Variants in BASP1 observed in about 807,000 individuals in gnomAD.
BASP1 encodes the protein brain acid soluble protein 1.
A neutral mutation model predicts 2.2 loss-of-function variants in BASP1; 1 was observed. That is an observed-to-expected ratio of 0.46 (90% CI 0.16 to 2.17). The LOEUF (loss-of-function observed/expected upper bound fraction) is 2.17. Ranked by LOEUF, BASP1 falls within the 30% of genes most tolerant of loss-of-function variation. The pLI, the probability that BASP1 is intolerant of heterozygous loss-of-function variation, is 0.27. For synonymous variants in BASP1, 187 were observed against 154.2 expected (o/e 1.21, Z -1.58); for missense variants, 352 against 327.2 (o/e 1.08, Z -0.58).
chr5:17,271,998 G>A (rs1046353462), intron 1 of BASP1, among the ~76,000 whole-genome samples: 1 of 151,500 alleles, frequency 6.6e-6, no homozygotes, highest in Non-Finnish European at 1.5e-5. Context: ...CCTGGGAGGC[G>A]GAGGTTGCAG....
intron 1 of BASP1, among the ~76,000 whole-genome samples, chr5:17,263,658 C>T (rs1451840823): frequency 6.6e-6 from 1 of 152,170 alleles, no homozygotes; most frequent in Non-Finnish European, 1.5e-5. Context: ...AGATCCAACT[C>T]ATCTGGATCA....
At chr5:17,247,600 G>C (rs1022035805) in intron 1 of BASP1, among the ~76,000 whole-genome samples, 5 of 152,144 alleles carry the variant, frequency 3.3e-5, no homozygotes, top group African/African-American at 1.2e-4. Flanking sequence ...TTCTTCAAAA[G>C]GTGCCAGTGG....
At chr5:17,241,360 A>C (rs1739859619) in intron 1 of BASP1, among the ~76,000 whole-genome samples, 1 of 152,158 alleles carries the variant, frequency 6.6e-6, no homozygotes, top group Non-Finnish European at 1.5e-5. Context: ...TCAGCTTCCC[A>C]AAGTGTTGTG....
chr5:17,242,259 G>A (rs964063072), intron 1 of BASP1, among the ~76,000 whole-genome samples: 2 of 152,102 alleles, frequency 1.3e-5, no homozygotes, highest in Non-Finnish European at 2.9e-5. Context: ...AGAAGTTTTT[G>A]TATATATATA....
At chr5:17,257,848 T>C (rs906645100) in intron 1 of BASP1, among the ~76,000 whole-genome samples, 10 of 152,184 alleles carry the variant, frequency 6.6e-5, no homozygotes, top group African/African-American at 1.7e-4. Context: ...CCTTGAACAA[T>C]GGAAGCTTCA....
intron 1 of BASP1, among the ~76,000 whole-genome samples, 170 bp downstream of exon 1, chr5:17,217,980 C>A (rs983772141): frequency 1.1e-4 from 17 of 151,930 alleles, no homozygotes; most frequent in African/African-American, 3.9e-4. Flanking sequence ...GTGAGGGCTC[C>A]GTCGCACTTC....
intron 1 of BASP1, among the ~76,000 whole-genome samples, chr5:17,263,563 T>C (rs1027954940): frequency 6.6e-6 from 1 of 152,260 alleles, no homozygotes; most frequent in African/African-American, 2.4e-5. Flanking sequence ...AGTGCATCTG[T>C]AGGACTAGAC....
chr5:17,219,285 C>T (rs903577330), intron 1 of BASP1, among the ~76,000 whole-genome samples: 1 of 152,218 alleles, frequency 6.6e-6, no homozygotes, highest in Non-Finnish European at 1.5e-5. Context: ...ACCCACTCCC[C>T]TCCCGAGCCG....
At chr5:17,270,715 G>T (rs1189349121) in intron 1 of BASP1, among the ~76,000 whole-genome samples, 3 of 152,164 alleles carry the variant, frequency 2.0e-5, no homozygotes, top group Admixed American at 2.0e-4. Flanking sequence ...TACCAGCAAA[G>T]AATTATCTAA....
rs532886378 is a variant in BASP1 at position 17,248,702 on chromosome 5, C to T, written c.-9-26506C>T. ...TGTAGAATGTGAATGATTTCCAGCC[C>T]GTGTTTACCATGTCCTAAAACACGC... On this transcript the variant is annotated intron_variant, in intron 1 of 1. Coordinates refer to ENST00000322611, the MANE Select transcript of BASP1 (RefSeq NM_006317.5). Among the ~76,000 whole-genome samples the T allele has an allele frequency of 3.9e-5, 6 of 152,224 alleles. No homozygotes were observed. In the South Asian group the frequency reaches 6.2e-4, roughly 16 times the overall value.
chr5:17,236,042 T>G lies in BASP1; in HGVS notation c.-10+18232T>G, dbSNP rs1045367736. On this transcript the variant is annotated intron_variant, in intron 1 of 1. Coordinates refer to ENST00000322611, the MANE Select transcript of BASP1 (RefSeq NM_006317.5). This position sits in a 1 kb window ranked among gnomAD's most constrained non-coding sequence, Gnocchi z 4.0. ...TAAAACATGAGACTTTTTTTTTTCTTTTTTAGCTCATTAGCTATTGTTAGC... is the reference window on the plus strand; with the variant it reads ...TAAAACATGAGACTTTTTTTTTTCTGTTTTAGCTCATTAGCTATTGTTAGC... Among the ~76,000 whole-genome samples, 2 of 152,170 alleles carry G rather than the reference T, an allele frequency of 1.3e-5. No homozygotes were observed. Among genetic ancestry groups the G allele is most frequent in the African/African-American group, 4.8e-5 (2 of 41,442 alleles).
At chr5:17,264,173 TA>T (rs1245344172) in intron 1 of BASP1, among the ~76,000 whole-genome samples, 3 of 152,252 alleles carry the variant, frequency 2.0e-5, no homozygotes, top group Non-Finnish European at 4.4e-5. Context: ...TTGTTGAAAA[TA>T]GAAATTGCTG....
intron 1 of BASP1, among the ~76,000 whole-genome samples, chr5:17,250,593 T>G (rs1740082595): frequency 6.6e-6 from 1 of 152,110 alleles, no homozygotes; most frequent in African/African-American, 2.4e-5. Flanking sequence ...TTGAAGTTTA[T>G]TTTTATTTTT....
intron 1 of BASP1, among the ~76,000 whole-genome samples, chr5:17,233,718 A>T (rs920028746): frequency 1.3e-5 from 2 of 151,072 alleles, no homozygotes; most frequent in Non-Finnish European, 2.9e-5. Context: ...TAGGTGACTG[A>T]TACGCCTTTT....
At chr5:17,222,298 G>A (rs990094960) in intron 1 of BASP1, among the ~76,000 whole-genome samples, 3 of 152,128 alleles carry the variant, frequency 2.0e-5, no homozygotes, top group Non-Finnish European at 4.4e-5. Flanking sequence ...CACCTTCCTT[G>A]AATTCCCCAG....
chr5:17,226,407 A>G (rs1739506290), intron 1 of BASP1, among the ~76,000 whole-genome samples: 1 of 152,244 alleles, frequency 6.6e-6, no homozygotes, highest in Non-Finnish European at 1.5e-5. Flanking sequence ...TTCCTTTGAC[A>G]GTCTATTCAA....
intron 1 of BASP1, among the ~76,000 whole-genome samples, chr5:17,222,524 A>G (rs1203523437): frequency 6.6e-6 from 1 of 152,170 alleles, no homozygotes; most frequent in Non-Finnish European, 1.5e-5. Flanking sequence ...AAAATCAACC[A>G]TACAGAGTCC....
intron 1 of BASP1, among the ~76,000 whole-genome samples, chr5:17,233,537 A>AT (rs1579484216): frequency 6.6e-6 from 1 of 152,008 alleles, no homozygotes; most frequent in East Asian, 1.9e-4. Flanking sequence ...TTTGCAATTA[A>AT]TTTTTTATCT....
In BASP1 at chr5:17,225,624, G is replaced by C. The variant is rs370636209; in HGVS notation, c.-10+7814G>C. On this transcript the variant is annotated intron_variant, in intron 1 of 1. Transcript: ENST00000322611. ...TGGTGGGTATGTGTTTGAAAAGAAC[G>C]CCAGCTGGCTTTAGACTTATTTGGG... Among the ~76,000 whole-genome samples the C allele has an allele frequency of 3.1e-4, 47 of 152,290 alleles. No individual in the cohort carries two copies. The South Asian group carries it at 8.3e-3, about 27-fold the overall frequency.
Sources: allele counts gnomAD v4.1 joint callset (sites outside exome capture counted in the v4.1 genomes callset), GRCh38; gene constraint gnomAD v4.1.1; non-coding constraint Gnocchi (gnomAD v3.1); transcripts MANE v1.5; gene names NCBI Gene and HGNC (gene_info 2026-07-23, HGNC 2026-07-21).